Variants in TRPC4 observed in about 807,000 individuals in gnomAD.
TRPC4 encodes the protein transient receptor potential cation channel subfamily C member 4.
TRPC4 carries 49 observed loss-of-function variants against 99.4 expected under a neutral mutation model. The ratio of observed to expected loss-of-function variants is 0.49; its 90% CI spans 0.39 to 0.63. The LOEUF (loss-of-function observed/expected upper bound fraction) is 0.63. Among genes scored for constraint, TRPC4 ranks in the 20% least tolerant of loss-of-function variants. TRPC4 has a pLI of 0.00. For synonymous variants in TRPC4, 454 were observed against 425.9 expected, an observed-to-expected ratio of 1.07 and a Z score of -0.81; for missense variants, 898 against 1,152.9, an observed-to-expected ratio of 0.78 and a Z score of 3.20.
chr13:37,855,186 G>C (rs1392987814), intron 1 of TRPC4, among the ~76,000 whole-genome samples: 1 of 151,282 alleles, frequency 6.6e-6, no homozygotes, highest in Non-Finnish European at 1.5e-5. Flanking sequence ...AGCAGGAGTA[G>C]CTACACATAT....
At chr13:37,837,377 C>T (rs1958594980) in intron 1 of TRPC4, among the ~76,000 whole-genome samples, 1 of 152,242 alleles carries the variant, frequency 6.6e-6, no homozygotes, top group African/African-American at 2.4e-5. Flanking sequence ...TCAATGCCAG[C>T]CCATGAAAGC....
At chr13:37,681,122 C>T (rs1362914463) in intron 4 of TRPC4, among the ~76,000 whole-genome samples, 2 of 152,150 alleles carry the variant, frequency 1.3e-5, no homozygotes, top group Non-Finnish European at 2.9e-5. Flanking sequence ...CATTTTATTT[C>T]GACTTCCTTC....
chr13:37,677,539 G>A (rs1953101287), intron 4 of TRPC4, among the ~76,000 whole-genome samples: 1 of 152,072 alleles, frequency 6.6e-6, no homozygotes, highest in African/African-American at 2.4e-5. Context: ...TATTTCAGAA[G>A]AAGCAATGTT....
At chr13:37,669,447 T>A (rs1952761888) in intron 5 of TRPC4, among the ~76,000 whole-genome samples, 1 of 152,158 alleles carries the variant, frequency 6.6e-6, no homozygotes, top group African/African-American at 2.4e-5. Flanking sequence ...AGGAGCAATT[T>A]TTTAAAAGTT....
chr13:37,735,190 T>C (rs567611895), intron 3 of TRPC4, among the ~76,000 whole-genome samples: 3 of 152,218 alleles, frequency 2.0e-5, no homozygotes, highest in South Asian at 2.1e-4. Flanking sequence ...ATTATGACTA[T>C]GTCTAACAGG....
At chr13:37,724,604 T>C (rs1283849148) in intron 3 of TRPC4, among the ~76,000 whole-genome samples, 4 of 152,004 alleles carry the variant, frequency 2.6e-5, no homozygotes, top group Non-Finnish European at 5.9e-5. Flanking sequence ...AAGCGGTTTT[T>C]TTTGTTTGCT....
chr13:37,651,251 T>A lies in TRPC4; in HGVS notation c.2079+14A>T. 3.7e-6 allele frequency: 6 copies of A among 1,613,824 alleles called. No individual in the cohort carries two copies. The highest frequency in any genetic ancestry group is 2.7e-5 in the African/African-American group (2 of 75,050). On this transcript the variant is annotated intron_variant, in intron 8 of 10. Coordinates refer to ENST00000379705, the MANE Select transcript of TRPC4 (RefSeq NM_016179.4). ...ATTTAAAAAAAGAGTAATACTAACA[T>A]GCTGTGTTCTTACCCCTATTGTTCC...
chr13:37,749,987 T>A (rs567070660), intron 2 of TRPC4, among the ~76,000 whole-genome samples: 4 of 152,242 alleles, frequency 2.6e-5, no homozygotes, highest in African/African-American at 9.6e-5. Context: ...CACTTGTTAC[T>A]CTTCTCAGTT....
At chr13:37,758,412 A>ATTATTT (rs1359702509) in intron 2 of TRPC4, among the ~76,000 whole-genome samples, 22 of 151,856 alleles carry the variant, frequency 1.4e-4, no homozygotes, top group African/African-American at 5.1e-4. Flanking sequence ...ATTCCTAGAA[A>ATTATTT]TGATAAGGAT....
At chr13:37,716,747 C>CTA (rs1374978854) in intron 3 of TRPC4, among the ~76,000 whole-genome samples, 1 of 152,070 alleles carries the variant, frequency 6.6e-6, no homozygotes, top group Non-Finnish European at 1.5e-5. Context: ...TACTCAAGGG[C>CTA]TATTTTTAAT....
At chr13:37,782,610 G>C (rs1241105587) in intron 2 of TRPC4, among the ~76,000 whole-genome samples, 1 of 151,942 alleles carries the variant, frequency 6.6e-6, no homozygotes, top group African/African-American at 2.4e-5. Flanking sequence ...AAGGCAAGAG[G>C]AAAAACACCC....
intron 5 of TRPC4, among the ~76,000 whole-genome samples, chr13:37,670,934 C>A (rs1478749484): frequency 6.6e-6 from 1 of 152,134 alleles, no homozygotes; most frequent in African/African-American, 2.4e-5. Context: ...AATTCCATGT[C>A]ATTACAGAAA....
At chr13:37,687,563 T>C (rs1309457249) in intron 4 of TRPC4, among the ~76,000 whole-genome samples, 1 of 152,218 alleles carries the variant, frequency 6.6e-6, no homozygotes, top group Non-Finnish European at 1.5e-5. Flanking sequence ...GCCATAATTT[T>C]GATGAATTCT....
At chr13:37,754,290 G>T (rs1956038200) in intron 2 of TRPC4, among the ~76,000 whole-genome samples, 1 of 152,060 alleles carries the variant, frequency 6.6e-6, no homozygotes, top group African/African-American at 2.4e-5. Flanking sequence ...TACAAGTGAA[G>T]AGGACATTTT....
In TRPC4 at chr13:37,655,087, C is replaced by T; in HGVS notation, c.1884+1G>A. ...AATTAAAATAAAGCTGGTCAACTTA[C>T]AGCAATCAGTTGGTAAGAATTATTC... On this transcript the variant is annotated splice_donor_variant, in intron 7 of 10. Transcript: ENST00000379705. LOFTEE classifies it high-confidence loss of function. 6.6e-7 allele frequency: 1 copy of T among 1,516,996 alleles called. No individual in the cohort carries two copies. Among genetic ancestry groups the T allele is most frequent in the East Asian group, 2.5e-5 (1 of 40,678 alleles). The allele number at this position is 1,516,996 out of a possible 1,614,324, so 94.0% of individuals were successfully genotyped here. A position where few individuals can be genotyped will look rare whatever the true frequency, so the allele number is the denominator to read the frequency against.
chr13:37,639,152 T>A, intron 9 of TRPC4, 23 bp from the exon 10 acceptor site: 1 of 1,613,298 alleles, frequency 6.2e-7, no homozygotes. Flanking sequence ...AGAACAAGAG[T>A]ATTGATACTC....
intron 4 of TRPC4, among the ~76,000 whole-genome samples, chr13:37,691,266 T>TA (rs1217211265): frequency 6.6e-6 from 1 of 152,120 alleles, no homozygotes; most frequent in African/African-American, 2.4e-5. Context: ...CACGCCCGGC[T>TA]AATTTCTTTT....
At chr13:37,773,676 A>C (rs1956620865) in intron 2 of TRPC4, among the ~76,000 whole-genome samples, 1 of 151,772 alleles carries the variant, frequency 6.6e-6, no homozygotes, top group Non-Finnish European at 1.5e-5. Context: ...AACTTACCAC[A>C]AGGGTTGTTA....
chr13:37,807,647 A>G (rs1356487105), intron 1 of TRPC4, among the ~76,000 whole-genome samples: 1 of 152,036 alleles, frequency 6.6e-6, no homozygotes. Flanking sequence ...GACCCACTCT[A>G]AAGCATAAAG....
Sources: gnomAD v4.1 joint callset for allele counts (sites outside exome capture counted in the v4.1 genomes callset) on GRCh38, gnomAD v4.1.1 for gene constraint, MANE v1.5 for transcripts, NCBI Gene and HGNC (gene_info 2026-07-23, HGNC 2026-07-21) for gene names.